The following MSI2 variants were observed in gnomAD, a reference collection of about 807,000 sequenced individuals.
The protein encoded by MSI2 is RNA-binding protein Musashi homolog 2.
Under a neutral mutation model 45.6 loss-of-function variants are expected in MSI2, and 17 were observed. That is an observed-to-expected ratio of 0.37 (90% CI 0.26 to 0.56). The LOEUF (loss-of-function observed/expected upper bound fraction) is 0.56, where lower values mean the gene tolerates loss of function less well. MSI2 is among the 20% of genes least tolerant of loss of function. The probability of loss-of-function intolerance (pLI) is 0.77; values close to 1 mark genes in which losing one functional copy is unlikely to be tolerated. For missense variants in MSI2, 293 were observed against 444.2 expected, an observed-to-expected ratio of 0.66 and a Z score of 3.06; for synonymous variants, 156 against 158.2, an observed-to-expected ratio of 0.99 and a Z score of 0.11.
chr17:57,660,183 T>C (rs1415476478), intron 11 of MSI2, among the ~76,000 whole-genome samples: 3 of 152,210 alleles, frequency 2.0e-5, no homozygotes, highest in African/African-American at 7.2e-5. Context: ...ACTGTCTTTA[T>C]ATTGGTTTTC....
chr17:57,625,911 A>G (rs1424586182), intron 9 of MSI2: 1 of 152,304 alleles, frequency 6.6e-6, no homozygotes, highest in Admixed American at 6.5e-5. Flanking sequence ...ACTGTTGCCA[A>G]CACTGGATGC....
At chr17:57,548,223 G>T (rs1183697256) in intron 7 of MSI2, among the ~76,000 whole-genome samples, 1 of 152,144 alleles carries the variant, frequency 6.6e-6, no homozygotes, top group East Asian at 1.9e-4. Flanking sequence ...GGGTCTCTCA[G>T]ATTTCAAGGG....
In MSI2 at chr17:57,674,336, AC is replaced by A. The variant is rs1380956846; in HGVS notation, c.791-635del. ...TTTTTTGTCTTTTTTAAAAAAAAAA[AC>A]AAAACAAATTTGTCATTTAATGGAT... On this transcript the variant is annotated intron_variant, in intron 11 of 13. Coordinates refer to ENST00000284073, the MANE Select transcript of MSI2 (RefSeq NM_138962.4). 4.0e-5 allele frequency among the ~76,000 whole-genome samples: 6 copies of A among 151,786 alleles called. No individual in the cohort carries two copies. The South Asian group carries it at 6.2e-4, about 16-fold the overall frequency.
chr17:57,318,896 A>G (rs79653151), intron 5 of MSI2, among the ~76,000 whole-genome samples: 1,627 of 152,288 alleles, frequency 0.011, 31 homozygotes, highest in African/African-American at 0.037. Context: ...GGAGCTGTTG[A>G]GGGAGAGAAG....
intron 7 of MSI2, among the ~76,000 whole-genome samples, chr17:57,574,174 G>A (rs1376860823): frequency 6.6e-6 from 1 of 152,018 alleles, no homozygotes; most frequent in Non-Finnish European, 1.5e-5. Context: ...CCTAGCCCCA[G>A]CAATGCCGCT....
intron 5 of MSI2, among the ~76,000 whole-genome samples, chr17:57,311,177 T>C (rs1055594259): frequency 6.6e-6 from 1 of 151,884 alleles, no homozygotes; most frequent in Non-Finnish European, 1.5e-5. Flanking sequence ...TGCCTGGGAG[T>C]TTTTGGCACT....
chr17:57,438,722 C>G (rs970839410), intron 6 of MSI2, among the ~76,000 whole-genome samples: 1 of 151,696 alleles, frequency 6.6e-6, no homozygotes, highest in Non-Finnish European at 1.5e-5. Flanking sequence ...GGGATTTAGT[C>G]GGAGGAGCAG....
chr17:57,369,537 A>G (rs2083390473), intron 5 of MSI2, among the ~76,000 whole-genome samples: 1 of 152,216 alleles, frequency 6.6e-6, no homozygotes, highest in South Asian at 2.1e-4. Flanking sequence ...TTGTTCCTAG[A>G]AAGTATTCCA....
chr17:57,359,292 T>C (rs992563300), intron 5 of MSI2, among the ~76,000 whole-genome samples: 2 of 152,226 alleles, frequency 1.3e-5, no homozygotes, highest in Non-Finnish European at 2.9e-5. Flanking sequence ...TATTTATTTT[T>C]AAAATTTAAT....
intron 7 of MSI2, among the ~76,000 whole-genome samples, chr17:57,557,300 C>T (rs112043463): frequency 6.6e-5 from 10 of 152,198 alleles, no homozygotes; most frequent in African/African-American, 1.9e-4. Context: ...CCTCTTTTTA[C>T]GCAAGATGAG....
intron 7 of MSI2, chr17:57,566,087 G>A (rs2144277994): frequency 6.6e-6 from 1 of 152,316 alleles, no homozygotes; most frequent in South Asian, 2.1e-4. Context: ...AGGGTTCGAG[G>A]TAGAGCGGCC....
chr17:57,460,842 G>C (rs983191420), intron 6 of MSI2, among the ~76,000 whole-genome samples: 3 of 152,100 alleles, frequency 2.0e-5, no homozygotes, highest in Non-Finnish European at 4.4e-5. Context: ...TGACTGAAAT[G>C]GCAGAGTGTG....
chr17:57,537,504 A>G (rs2086946344), intron 7 of MSI2, among the ~76,000 whole-genome samples: 3 of 152,224 alleles, frequency 2.0e-5, no homozygotes, highest in Non-Finnish European at 4.4e-5. Flanking sequence ...CTCGCAAATA[A>G]CCAATTAAAA....
At chr17:57,502,620 T>TA (rs1159125358) in intron 6 of MSI2, among the ~76,000 whole-genome samples, 1 of 120,646 alleles carries the variant, frequency 8.3e-6, no homozygotes, top group East Asian at 2.4e-4. Flanking sequence ...TATATATATA[T>TA]ATATATATAT....
chr17:57,607,243 T>C (rs1166890955), intron 8 of MSI2, among the ~76,000 whole-genome samples: 1 of 152,246 alleles, frequency 6.6e-6, no homozygotes, highest in Admixed American at 6.5e-5. Flanking sequence ...AGTGCGTGCC[T>C]TCCTCCCCAG....
At chr17:57,563,098 CAAAAAA>C (rs59975200) in intron 7 of MSI2, among the ~76,000 whole-genome samples, 1 of 71,270 alleles carries the variant, frequency 1.4e-5, no homozygotes, top group Non-Finnish European at 2.5e-5. Flanking sequence ...ACTTCGTCTC[CAAAAAA>C]AAAAAAAAAA....
chr17:57,367,080 A>G (rs568633545), intron 5 of MSI2, among the ~76,000 whole-genome samples: 6 of 152,326 alleles, frequency 3.9e-5, no homozygotes, highest in African/African-American at 1.4e-4. Flanking sequence ...AGTGTATACA[A>G]ATAGTGATAT....
chr17:57,619,406 G>C (rs1451176901), intron 9 of MSI2, among the ~76,000 whole-genome samples: 2 of 152,226 alleles, frequency 1.3e-5, no homozygotes, highest in Non-Finnish European at 2.9e-5. Context: ...GATGCCTGAT[G>C]ATCATCATAG....
At chr17:57,609,744 G>T (rs147149444) in intron 8 of MSI2, among the ~76,000 whole-genome samples, 1 of 152,242 alleles carries the variant, frequency 6.6e-6, no homozygotes, top group Non-Finnish European at 1.5e-5. Flanking sequence ...CACTGGGGAG[G>T]AGTGGCCACT....
Sources: allele counts gnomAD v4.1 joint callset (sites outside exome capture counted in the v4.1 genomes callset), GRCh38; gene constraint gnomAD v4.1.1; transcripts MANE v1.5; gene names NCBI Gene and HGNC (gene_info 2026-07-23, HGNC 2026-07-21).